UBE2E2: variants seen among roughly 807,000 people sequenced by gnomAD.
UBE2E2 encodes ubiquitin conjugating enzyme E2 E2, also known as ubiquitin-conjugating enzyme E2 E2.
A neutral mutation model predicts 24.7 loss-of-function variants in UBE2E2; 6 were observed. The observed-to-expected ratio is 0.24, with a 90% CI of 0.13 to 0.48. UBE2E2 has a LOEUF of 0.48. UBE2E2 is among the 20% of genes least tolerant of loss of function. UBE2E2 has a pLI of 0.99. For missense variants in UBE2E2, 169 were observed against 245.0 expected, an observed-to-expected ratio of 0.69 and a Z score of 2.07; for synonymous variants, 104 against 83.6, an observed-to-expected ratio of 1.24 and a Z score of -1.33.
intron 5 of UBE2E2, chr3:23,534,173 G>C (rs1559414008): frequency 3.2e-6 from 3 of 945,752 alleles, no homozygotes; most frequent in Non-Finnish European, 3.7e-6. Context: ...AGCCTGGCCT[G>C]CTTTGCCTCC....
At chr3:23,282,603 C>G (rs1698514681) in intron 3 of UBE2E2, among the ~76,000 whole-genome samples, 1 of 152,046 alleles carries the variant, frequency 6.6e-6, no homozygotes, top group South Asian at 2.1e-4. Context: ...TTGTCCTGTG[C>G]CTTGTATTCT....
chr3:23,214,684 T>A (rs1299442027), intron 2 of UBE2E2, among the ~76,000 whole-genome samples: 1 of 152,154 alleles, frequency 6.6e-6, no homozygotes. Context: ...TTTGACAGTT[T>A]AAGCATGCTT....
At chr3:23,562,603 T>G (rs1194642807) in intron 5 of UBE2E2, among the ~76,000 whole-genome samples, 7 of 152,344 alleles carry the variant, frequency 4.6e-5, no homozygotes, top group Non-Finnish European at 7.3e-5. Context: ...TAGGGAGGAT[T>G]CCCTCTTTTT....
At chr3:23,560,530 T>C (rs1444373269) in intron 5 of UBE2E2, among the ~76,000 whole-genome samples, 2 of 151,952 alleles carry the variant, frequency 1.3e-5, no homozygotes, top group Admixed American at 1.3e-4. Flanking sequence ...TAAACATACG[T>C]GTGCACGTGT....
intron 3 of UBE2E2, among the ~76,000 whole-genome samples, chr3:23,257,510 G>A (rs1288229490): frequency 7.3e-5 from 2 of 27,386 alleles, no homozygotes; most frequent in East Asian, 1.0e-3. Context: ...GCTGTTTCCC[G>A]TGCCCCCCCC....
At chr3:23,226,940 T>C (rs1243017241) in intron 3 of UBE2E2, among the ~76,000 whole-genome samples, 1 of 145,342 alleles carries the variant, frequency 6.9e-6, no homozygotes, top group African/African-American at 2.6e-5. Context: ...GTTCAAGTTA[T>C]ATAAGACCTG....
intron 5 of UBE2E2, among the ~76,000 whole-genome samples, chr3:23,568,749 A>G (rs1404024159): frequency 6.9e-6 from 1 of 145,748 alleles, no homozygotes; most frequent in Non-Finnish European, 1.5e-5. Context: ...ATATATATAT[A>G]TGTATAACAC....
intron 3 of UBE2E2, among the ~76,000 whole-genome samples, chr3:23,495,832 A>C (rs552017172): frequency 6.6e-6 from 1 of 152,254 alleles, no homozygotes; most frequent in African/African-American, 2.4e-5. Flanking sequence ...GGAATGCTGT[A>C]CTCTAGTCCC....
At chr3:23,353,933 G>A (rs879175833) in intron 3 of UBE2E2, among the ~76,000 whole-genome samples, 1,930 of 152,156 alleles carry the variant, frequency 0.013, 38 homozygotes, top group African/African-American at 0.041. Context: ...CGCCAAGTCA[G>A]TCCTAAGCCA....
chr3:23,275,663 G>A (rs1012623455), intron 3 of UBE2E2, among the ~76,000 whole-genome samples: 4 of 152,080 alleles, frequency 2.6e-5, no homozygotes, highest in African/African-American at 9.7e-5. Context: ...TATAGGTAGA[G>A]GTGCTTAAAA....
chr3:23,215,908 A>G (rs551677858), intron 2 of UBE2E2, among the ~76,000 whole-genome samples: 4 of 152,250 alleles, frequency 2.6e-5, no homozygotes, highest in Admixed American at 1.3e-4. Flanking sequence ...CAAATCTTTG[A>G]GACTTCTGTC....
intron 3 of UBE2E2, among the ~76,000 whole-genome samples, chr3:23,470,904 A>C (rs1215122960): frequency 1.3e-5 from 2 of 152,056 alleles, no homozygotes; most frequent in Non-Finnish European, 2.9e-5. Context: ...ATGAAAGTCT[A>C]TTCTTAGGTA....
chr3:23,434,942 A>T (rs1397354035), intron 3 of UBE2E2, among the ~76,000 whole-genome samples: 1 of 152,236 alleles, frequency 6.6e-6, no homozygotes, highest in African/African-American at 2.4e-5. Context: ...GCATATCCAG[A>T]TTCACAGAAT....
chr3:23,368,644 G>A (rs559489314), intron 3 of UBE2E2, among the ~76,000 whole-genome samples: 9 of 152,252 alleles, frequency 5.9e-5, no homozygotes, highest in African/African-American at 2.2e-4. Context: ...TATTAATGCA[G>A]TGGGTGTTAA....
chr3:23,545,868 A>T (rs567281092), intron 5 of UBE2E2, among the ~76,000 whole-genome samples: 2 of 152,322 alleles, frequency 1.3e-5, no homozygotes, highest in East Asian at 3.9e-4. Flanking sequence ...GGCAACTTGG[A>T]TAGAGCTGGA....
chr3:23,228,313 G>A (rs185813364), intron 3 of UBE2E2, among the ~76,000 whole-genome samples: 1 of 151,990 alleles, frequency 6.6e-6, no homozygotes, highest in Admixed American at 6.6e-5. Context: ...ATATTAAATG[G>A]TCACACTGGG....
chr3:23,205,292 A>G (rs887373086), intron 1 of UBE2E2, among the ~76,000 whole-genome samples: 2 of 152,236 alleles, frequency 1.3e-5, no homozygotes, highest in Admixed American at 6.5e-5. Flanking sequence ...ATTTAAGTTT[A>G]TCTTCCCTGT....
chr3:23,539,247 G>A (rs1265637987), intron 5 of UBE2E2, among the ~76,000 whole-genome samples: 1 of 152,162 alleles, frequency 6.6e-6, no homozygotes, highest in Non-Finnish European at 1.5e-5. Flanking sequence ...CATCCAATTT[G>A]CCTTGGTGAA....
At chr3:23,572,830 G>A (rs1696258193) in intron 5 of UBE2E2, among the ~76,000 whole-genome samples, 1 of 152,158 alleles carries the variant, frequency 6.6e-6, no homozygotes, top group Non-Finnish European at 1.5e-5. Flanking sequence ...TTTGTGAATA[G>A]CGCTGCAGTG....
Sources: allele counts gnomAD v4.1 joint callset (sites outside exome capture counted in the v4.1 genomes callset), GRCh38; gene constraint gnomAD v4.1.1; transcripts MANE v1.5; gene names NCBI Gene and HGNC (gene_info 2026-07-23, HGNC 2026-07-21).